The following CCDC171 variants were observed in gnomAD, a reference collection of about 807,000 sequenced individuals.
CCDC171 encodes coiled-coil domain containing 171.
Under a neutral mutation model 168.2 loss-of-function variants are expected in CCDC171, and 177 were observed. That is an observed-to-expected ratio of 1.05 (90% CI 0.93 to 1.19). The LOEUF is 1.19. Ranked by LOEUF, CCDC171 falls within the 50% of genes most tolerant of loss-of-function variation. CCDC171 has a pLI of 0.00. For missense variants in CCDC171, 1,991 were observed against 1,539.0 expected, an observed-to-expected ratio of 1.29 and a Z score of -4.91; for synonymous variants, 687 against 540.8, an observed-to-expected ratio of 1.27 and a Z score of -3.75.
chr9:15,674,605 A>G (rs2049378192), intron 9 of CCDC171, among the ~76,000 whole-genome samples: 1 of 151,950 alleles, frequency 6.6e-6, no homozygotes, highest in Non-Finnish European at 1.5e-5. Context: ...TTCTGCCTTC[A>G]TTTTGTTATT....
At chr9:15,611,151 C>T (rs1291367323) in intron 6 of CCDC171, among the ~76,000 whole-genome samples, 2 of 152,138 alleles carry the variant, frequency 1.3e-5, no homozygotes, top group African/African-American at 2.4e-5. Context: ...GGCCATGTGA[C>T]GTGCCTGCTC....
At chr9:15,901,399 T>A (rs1821643149) in intron 24 of CCDC171, among the ~76,000 whole-genome samples, 1 of 152,166 alleles carries the variant, frequency 6.6e-6, no homozygotes, top group Non-Finnish European at 1.5e-5. Context: ...TGTACCACTT[T>A]GTAGGAGGGT....
intron 3 of CCDC171, among the ~76,000 whole-genome samples, chr9:15,989,628 C>T (rs199728645): frequency 1.1e-4 from 17 of 152,014 alleles, no homozygotes; most frequent in African/African-American, 3.4e-4. Flanking sequence ...CAAACTTCTC[C>T]GAGCTAAAGG....
rs1246310700 is a variant in CCDC171, at chr9:16,059,596, G to A, written n.90-1050G>A. 2.9e-5 allele frequency among the ~76,000 whole-genome samples: 4 copies of A among 138,038 alleles called. No homozygotes were observed. In the South Asian group the frequency reaches 7.3e-4, roughly 25 times the overall value. 90.6% of individuals were successfully genotyped at this position (138,038 alleles called of 152,430 possible). On this transcript the variant is annotated intron_variant and non_coding_transcript_variant, in intron 1 of 1. Coordinates refer to the CCDC171 transcript ENST00000478913. ...GTGGCGCAATCTCGGCTCACTGCAA[G>A]CTCCGCTTCCCAGGTTCACGCCATT...
chr9:15,831,251 T>C (rs1424967068), intron 21 of CCDC171, among the ~76,000 whole-genome samples: 1 of 152,044 alleles, frequency 6.6e-6, no homozygotes, highest in African/African-American at 2.4e-5. Flanking sequence ...GGATTACAGG[T>C]GTGAGCCACC....
At chr9:15,633,683 G>A (rs533800155) in intron 7 of CCDC171, among the ~76,000 whole-genome samples, 28 of 152,050 alleles carry the variant, frequency 1.8e-4, no homozygotes, top group Admixed American at 1.2e-3. Flanking sequence ...GGTATATACC[G>A]AAAGGACTAT....
At chr9:16,094,288 G>T in the CCDC171 span, among the ~76,000 whole-genome samples, 1 of 152,224 alleles carries the variant, frequency 6.6e-6, no homozygotes. Context: ...AATTTACAAT[G>T]TTGACTCTAG....
At chr9:15,831,002 C>T (rs1438931599) in intron 21 of CCDC171, among the ~76,000 whole-genome samples, 1 of 135,154 alleles carries the variant, frequency 7.4e-6, no homozygotes, top group Non-Finnish European at 1.5e-5. Flanking sequence ...TGGATTCTCG[C>T]TCTGCCGCCC....
At chr9:15,770,814 T>C (rs2056972816) in intron 18 of CCDC171, among the ~76,000 whole-genome samples, 1 of 152,168 alleles carries the variant, frequency 6.6e-6, no homozygotes, top group African/African-American at 2.4e-5. Flanking sequence ...CTTCACACAA[T>C]ACAGAAACCT....
chr9:15,957,312 CT>C (rs1188832354), intron 25 of CCDC171, among the ~76,000 whole-genome samples: 5 of 152,234 alleles, frequency 3.3e-5, no homozygotes, highest in African/African-American at 7.2e-5. Flanking sequence ...GGGTTGCTGT[CT>C]GACAGCTGAA....
At chr9:15,606,355 G>T (rs1181191514) in intron 6 of CCDC171, among the ~76,000 whole-genome samples, 1 of 152,144 alleles carries the variant, frequency 6.6e-6, no homozygotes, top group Admixed American at 6.5e-5. Context: ...GATTCTTCGT[G>T]TAAATGCCTA....
the CCDC171 span, among the ~76,000 whole-genome samples, chr9:16,067,145 A>G: frequency 6.6e-6 from 1 of 151,918 alleles, no homozygotes; most frequent in Non-Finnish European, 1.5e-5. Context: ...CTTTTTAATG[A>G]TGGCCATTCT....
rs140126654 is a variant in CCDC171 at position 15,956,433 on chromosome 9, G to T, written c.3754-15176G>T. Reference sequence around the variant, plus strand: ...TGCATTTGGATGTCAGTAACAAAGAGCCCTATCTTTAAGGTTTTGTGTGTG... The same window carrying T: ...TGCATTTGGATGTCAGTAACAAAGATCCCTATCTTTAAGGTTTTGTGTGTG... On this transcript the variant is annotated intron_variant, in intron 25 of 25. Transcript: ENST00000380701. Among the ~76,000 whole-genome samples the T allele has an allele frequency of 1.3e-3, 192 of 152,262 alleles. 4 individuals are homozygous for T. The East Asian group carries it at 0.035, about 28-fold the overall frequency.
the CCDC171 span, among the ~76,000 whole-genome samples, chr9:16,107,749 A>T: frequency 6.6e-6 from 1 of 152,178 alleles, no homozygotes; most frequent in Non-Finnish European, 1.5e-5. Context: ...TTGACAAAAA[A>T]AATTTTAAAC....
intron 23 of CCDC171, among the ~76,000 whole-genome samples, chr9:15,874,024 T>C (rs557983515): frequency 6.6e-6 from 1 of 152,234 alleles, no homozygotes; most frequent in East Asian, 1.9e-4. Context: ...TTCTTGTATA[T>C]TTTTAAGTCT....
chr9:15,630,640 A>T (rs1275478688), intron 7 of CCDC171, among the ~76,000 whole-genome samples: 1 of 152,220 alleles, frequency 6.6e-6, no homozygotes, highest in African/African-American at 2.4e-5. Flanking sequence ...TAACAAGGAT[A>T]TCCAGGAATT....
chr9:15,611,261 C>T (rs996442822), intron 6 of CCDC171, among the ~76,000 whole-genome samples: 1 of 152,158 alleles, frequency 6.6e-6, no homozygotes, highest in African/African-American at 2.4e-5. Context: ...GAACTGTTAG[C>T]CTATTAAACC....
intron 21 of CCDC171, among the ~76,000 whole-genome samples, chr9:15,787,132 A>G (rs544947422): frequency 1.4e-4 from 21 of 152,248 alleles, no homozygotes; most frequent in Admixed American, 1.2e-3. Context: ...AAATAATTGC[A>G]TACATTTAGG....
chr9:15,653,228 T>C (rs1466460872), intron 7 of CCDC171, among the ~76,000 whole-genome samples: 1 of 152,096 alleles, frequency 6.6e-6, no homozygotes, highest in African/African-American at 2.4e-5. Flanking sequence ...CAGCCTTGAT[T>C]TCCTGGGCTC....
Sources: allele counts gnomAD v4.1 joint callset (sites outside exome capture counted in the v4.1 genomes callset), GRCh38; gene constraint gnomAD v4.1.1; transcripts MANE v1.5; gene names NCBI Gene and HGNC (gene_info 2026-07-23, HGNC 2026-07-21).